Variants in AMMECR1 observed in about 807,000 individuals in gnomAD.
AMMECR1 encodes the protein nuclear protein AMMECR1.
AMMECR1 carries 3 observed loss-of-function variants against 22.5 expected under a neutral mutation model. That is an observed-to-expected ratio of 0.13 (90% CI 0.06 to 0.35). AMMECR1 has a LOEUF of 0.35. AMMECR1 is among the 10% of genes least tolerant of loss of function. The pLI is 1.00. For synonymous variants in AMMECR1, 130 were observed against 116.7 expected, an observed-to-expected ratio of 1.11 and a Z score of -0.74; for missense variants, 235 against 278.7, an observed-to-expected ratio of 0.84 and a Z score of 1.12.
intron 2 of AMMECR1, chrX:110,418,967 T>A: frequency 9.3e-6 from 1 of 107,943 alleles, no homozygotes; most frequent in African/African-American, 3.3e-5. Context: ...GTGCATTGCC[T>A]ATGACTCACC....
chrX:110,236,357 C>T (rs2067601123), intron 2 of AMMECR1, among the ~76,000 whole-genome samples: 1 of 110,129 alleles, frequency 9.1e-6, no homozygotes, highest in East Asian at 2.8e-4. Flanking sequence ...GTCTTATAAA[C>T]TAAGTCACAT....
intron 2 of AMMECR1, among the ~76,000 whole-genome samples, chrX:110,252,556 C>T (rs1324268546): frequency 2.7e-5 from 3 of 112,162 alleles, no homozygotes; most frequent in Non-Finnish European, 5.6e-5. Flanking sequence ...CACTCACACA[C>T]ACAAAAAATA....
At chrX:110,356,654 C>T (rs1278551267) in intron 2 of AMMECR1, among the ~76,000 whole-genome samples, 2 of 110,963 alleles carry the variant, frequency 1.8e-5, no homozygotes, top group African/African-American at 6.6e-5. Context: ...CAAAACATCA[C>T]ATTGTACCAT....
At chrX:110,345,310 A>G (rs1270979579) in intron 2 of AMMECR1, among the ~76,000 whole-genome samples, 5 of 108,077 alleles carry the variant, frequency 4.6e-5, no homozygotes, top group Non-Finnish European at 9.5e-5. Flanking sequence ...ACACTTGGAC[A>G]CAGGAAGGGG....
chrX:110,212,320 C>CTG (rs1437378813), intron 3 of AMMECR1, among the ~76,000 whole-genome samples: 1 of 111,740 alleles, frequency 8.9e-6, no homozygotes, highest in African/African-American at 3.3e-5. Context: ...ACAGGGATAT[C>CTG]TGTCTTGGTA....
intron 1 of AMMECR1, among the ~76,000 whole-genome samples, chrX:110,427,295 A>C (rs774084262): frequency 7.2e-4 from 81 of 112,150 alleles, no homozygotes; most frequent in African/African-American, 2.5e-3. Context: ...CCTCCACTTA[A>C]CACTTGTAAA....
chrX:110,342,862 C>T (rs905880932), intron 2 of AMMECR1, among the ~76,000 whole-genome samples: 9 of 111,083 alleles, frequency 8.1e-5, no homozygotes, highest in African/African-American at 2.6e-4. Flanking sequence ...CTTGAACCAA[C>T]CAAAAAAAGT....
At chrX:110,250,562 G>T (rs2067681792) in intron 2 of AMMECR1, among the ~76,000 whole-genome samples, 1 of 112,483 alleles carries the variant, frequency 8.9e-6, no homozygotes, top group African/African-American at 3.2e-5. Flanking sequence ...GGAGGGTTAA[G>T]TTTAACCACT....
chrX:110,403,064 T>C (rs2068575656), intron 2 of AMMECR1, among the ~76,000 whole-genome samples: 1 of 111,387 alleles, frequency 9.0e-6, no homozygotes, highest in South Asian at 3.8e-4. Context: ...TTCAGCTTTC[T>C]TTATCACTTG....
At chrX:110,322,723 C>T (rs1009635495), upstream of AMMECR1, among the ~76,000 whole-genome samples, 19 of 112,093 alleles carry the variant, frequency 1.7e-4, no homozygotes, top group African/African-American at 5.8e-4. Context: ...ATAACCTCTG[C>T]TAGATCCCAC....
At chrX:110,386,209 T>A (rs2068453841) in intron 2 of AMMECR1, among the ~76,000 whole-genome samples, 1 of 111,325 alleles carries the variant, frequency 9.0e-6, no homozygotes, top group African/African-American at 3.3e-5. Flanking sequence ...ACCACCAAAC[T>A]ATTTTCCAAA....
At chrX:110,270,602 T>G in intron 1 of AMMECR1, among the ~76,000 whole-genome samples, 1 of 112,273 alleles carries the variant, frequency 8.9e-6, no homozygotes, top group Non-Finnish European at 1.9e-5. Flanking sequence ...CACAATCTCC[T>G]CTTCCTCCTG....
chrX:110,416,976 G>T (rs994157639), intron 2 of AMMECR1, among the ~76,000 whole-genome samples: 6 of 112,334 alleles, frequency 5.3e-5, no homozygotes, highest in African/African-American at 1.9e-4. Flanking sequence ...GGTTTTTGGG[G>T]GAGAGCTGGG....
chrX:110,401,955 G>A (rs1209063920), intron 2 of AMMECR1, among the ~76,000 whole-genome samples: 7 of 111,697 alleles, frequency 6.3e-5, no homozygotes, highest in African/African-American at 1.3e-4. Context: ...GTCTCTCTTC[G>A]CTTCCTTGTT....
At chrX:110,234,381 A>G (rs1199335214) in intron 2 of AMMECR1, among the ~76,000 whole-genome samples, 1 of 112,384 alleles carries the variant, frequency 8.9e-6, no homozygotes, top group Admixed American at 9.4e-5. Context: ...AAGAATCGAT[A>G]TCGTGAAAAT....
chrX:110,422,573 A>G (rs1285257435), intron 2 of AMMECR1, among the ~76,000 whole-genome samples: 1 of 112,839 alleles, frequency 8.9e-6, no homozygotes, highest in Non-Finnish European at 1.9e-5. Context: ...TACAAAGAAC[A>G]CAAAGTGGTT....
chrX:110,382,323 C>A (rs1225136104), intron 2 of AMMECR1, among the ~76,000 whole-genome samples: 3 of 107,013 alleles, frequency 2.8e-5, no homozygotes, highest in Non-Finnish European at 5.7e-5. Context: ...TCCAATTGTA[C>A]AGGAAAAAAA....
chrX:110,278,275 T>A (rs915310569), intron 1 of AMMECR1, among the ~76,000 whole-genome samples: 7 of 112,052 alleles, frequency 6.2e-5, no homozygotes, highest in Non-Finnish European at 1.3e-4. Context: ...AATTATTTTT[T>A]AAAAATTCCT....
At position 110,318,040 on chromosome X, in the gene AMMECR1, T is replaced by C; in HGVS notation, c.32A>G (p.Gln11Arg). Residue 11 changes from glutamine to arginine, a missense_variant, in exon 1 of 6, where the codon CAG becomes CGG. Physicochemically the swap from Gln to Arg is conservative, Grantham distance 43 (BLOSUM62 1). This residue lies in a region of AMMECR1 where 124 missense variants were observed against 97.0 expected (regional missense o/e 1.28). Coordinates refer to ENST00000262844, the MANE Select transcript of AMMECR1 (RefSeq NM_015365.3). Reference protein sequence around the residue: MAAGCCGVKKQKLSSSPPSGS... With the variant: MAAGCCGVKKRKLSSSPPSGS... ...AGAGGGGGGCGAACTGGACAGTTTCTGCTTCTTCACCCCGCAGCAACCCGC... is the reference window on the plus strand; with the variant it reads ...AGAGGGGGGCGAACTGGACAGTTTCCGCTTCTTCACCCCGCAGCAACCCGC... 8.3e-7 allele frequency: 1 copy of C among 1,205,033 alleles called. No homozygotes were observed. Among genetic ancestry groups the C allele is most frequent in the Non-Finnish European group, 1.1e-6 (1 of 893,136 alleles).
Sources: gnomAD v4.1 joint callset for allele counts (sites outside exome capture counted in the v4.1 genomes callset) on GRCh38, gnomAD v4.1.1 for gene constraint, gnomAD v4.1.1 regional missense constraint, MANE v1.5 for transcripts, NCBI Gene and HGNC (gene_info 2026-07-23, HGNC 2026-07-21) for gene names.